NCAM2: variants seen among roughly 807,000 people sequenced by gnomAD.
NCAM2 encodes the protein N-CAM-2.
NCAM2 carries 30 observed loss-of-function variants against 98.1 expected under a neutral mutation model. That is an observed-to-expected ratio of 0.31 (90% CI 0.23 to 0.41). The LOEUF (loss-of-function observed/expected upper bound fraction) is 0.41. NCAM2 is among the 10% of genes least tolerant of loss of function. The pLI, the probability that NCAM2 is intolerant of heterozygous loss-of-function variation, is 1.00. For missense variants in NCAM2, 867 were observed against 1,005.8 expected (o/e 0.86, Z 1.87); for synonymous variants, 368 against 342.4 (o/e 1.07, Z -0.83).
intron 1 of NCAM2, among the ~76,000 whole-genome samples, chr21:21,208,601 T>C (rs188682481): frequency 6.6e-6 from 1 of 152,262 alleles, no homozygotes; most frequent in East Asian, 1.9e-4. Context: ...GTGGGTTTAT[T>C]TGATGATATC....
chr21:21,227,882 TAA>T (rs1193464675), intron 1 of NCAM2, among the ~76,000 whole-genome samples: 2 of 151,950 alleles, frequency 1.3e-5, no homozygotes, highest in East Asian at 3.9e-4. Context: ...TAGAGAAATA[TAA>T]GTGATCTTTT....
chr21:21,439,543 A>G (rs1428003334), intron 12 of NCAM2, among the ~76,000 whole-genome samples: 1 of 152,142 alleles, frequency 6.6e-6, no homozygotes, highest in African/African-American at 2.4e-5. Context: ...CTTGTTTTTT[A>G]TATACCTTTT....
intron 15 of NCAM2, among the ~76,000 whole-genome samples, chr21:21,482,557 T>C (rs1466366351): frequency 6.6e-6 from 1 of 151,866 alleles, no homozygotes; most frequent in Admixed American, 6.6e-5. Flanking sequence ...TTATGTATAT[T>C]AGATATATTT....
intron 9 of NCAM2, among the ~76,000 whole-genome samples, chr21:21,379,423 C>T (rs2076103230): frequency 6.6e-6 from 1 of 152,014 alleles, no homozygotes; most frequent in South Asian, 2.1e-4. Context: ...CTAAGCAGTG[C>T]TTTAACGGAA....
chr21:21,232,851 C>A (rs2070683818), intron 1 of NCAM2, among the ~76,000 whole-genome samples: 1 of 151,526 alleles, frequency 6.6e-6, no homozygotes, highest in South Asian at 2.1e-4. Context: ...TAAAAAAATT[C>A]CAGTCTTTTG....
chr21:21,419,001 A>C (rs928126424), intron 11 of NCAM2, among the ~76,000 whole-genome samples: 1 of 152,094 alleles, frequency 6.6e-6, no homozygotes, highest in Admixed American at 6.6e-5. Context: ...AATATGTACA[A>C]CAATTTTGCA....
chr21:21,536,510 G>A (rs1266393516), intron 17 of NCAM2, among the ~76,000 whole-genome samples: 1 of 151,448 alleles, frequency 6.6e-6, no homozygotes, highest in African/African-American at 2.4e-5. Flanking sequence ...TCCTGTCTCA[G>A]CCTCCCGAAT....
intron 8 of NCAM2, among the ~76,000 whole-genome samples, chr21:21,340,368 T>G (rs1568953465): frequency 6.6e-6 from 1 of 151,964 alleles, no homozygotes; most frequent in Non-Finnish European, 1.5e-5. Flanking sequence ...CATTAATAAA[T>G]GTCATCAAGT....
chr21:21,440,488 C>T lies in NCAM2; in HGVS notation c.1654+8207C>T, dbSNP rs544392855. On this transcript the variant is annotated intron_variant, in intron 12 of 17. Coordinates refer to ENST00000400546, the MANE Select transcript of NCAM2 (RefSeq NM_004540.5). Reference sequence around the variant, plus strand: ...CTTGAGCTCAGGAGTTCAGGACCAACCTGGGCAACATGGCGAAACCTCATA... The same window carrying T: ...CTTGAGCTCAGGAGTTCAGGACCAATCTGGGCAACATGGCGAAACCTCATA... Among the ~76,000 whole-genome samples, 3 of 152,140 alleles carry T rather than the reference C, an allele frequency of 2.0e-5. No homozygotes were observed. The South Asian group carries it at 6.2e-4, about 32-fold the overall frequency.
intron 15 of NCAM2, among the ~76,000 whole-genome samples, chr21:21,479,608 A>AAAAAAAAAAAAAAATT (rs1491473437): frequency 7.8e-6 from 1 of 127,914 alleles, no homozygotes; most frequent in African/African-American, 2.8e-5. Context: ...AAAAAAAAAA[A>AAAAAAAAAAAAAAATT]TTGTTGATGA....
At chr21:21,052,075 C>G (rs2065119907) in intron 1 of NCAM2, among the ~76,000 whole-genome samples, 1 of 151,322 alleles carries the variant, frequency 6.6e-6, no homozygotes, top group South Asian at 2.1e-4. Flanking sequence ...ATCACCCAGG[C>G]AGTGTGCACA....
At chr21:21,090,905 T>A (rs1477179848) in intron 1 of NCAM2, among the ~76,000 whole-genome samples, 1 of 152,214 alleles carries the variant, frequency 6.6e-6, no homozygotes, top group Non-Finnish European at 1.5e-5. Context: ...ATGAAAACCA[T>A]AAATCAATAG....
intron 1 of NCAM2, among the ~76,000 whole-genome samples, chr21:21,105,913 A>G (rs947073934): frequency 1.3e-5 from 2 of 152,096 alleles, no homozygotes; most frequent in African/African-American, 4.8e-5. Flanking sequence ...GGCTCATCAT[A>G]TCGTATATAA....
intron 12 of NCAM2, among the ~76,000 whole-genome samples, chr21:21,462,620 G>A (rs1049577760): frequency 2.6e-5 from 4 of 151,820 alleles, no homozygotes; most frequent in Admixed American, 6.6e-5. Flanking sequence ...AATGTAAAAA[G>A]ATTTATATTT....
At chr21:21,237,121 T>C in intron 1 of NCAM2, among the ~76,000 whole-genome samples, 1 of 152,164 alleles carries the variant, frequency 6.6e-6, no homozygotes, top group East Asian at 1.9e-4. Flanking sequence ...AGGCACATGG[T>C]TGGCATTTTC....
chr21:21,189,985 G>C (rs1347460650), intron 1 of NCAM2, among the ~76,000 whole-genome samples: 1 of 152,178 alleles, frequency 6.6e-6, no homozygotes, highest in Non-Finnish European at 1.5e-5. Flanking sequence ...ATTTGTATTT[G>C]TAATGGAACA....
chr21:21,031,199 GC>G (rs2064674328), intron 1 of NCAM2, among the ~76,000 whole-genome samples: 1 of 152,106 alleles, frequency 6.6e-6, no homozygotes, highest in East Asian at 1.9e-4. Flanking sequence ...AAGCTAACAT[GC>G]ATTGTTTTAC....
rs547337663 is a variant in NCAM2, at chr21:21,081,561, G to A, written c.55+82943G>A. Among the ~76,000 whole-genome samples the A allele has an allele frequency of 2.0e-5, 3 of 152,250 alleles. No homozygotes were observed. In the South Asian group the frequency reaches 6.2e-4, roughly 32 times the overall value. On this transcript the variant is annotated intron_variant, in intron 1 of 17. Transcript: ENST00000400546. Reference sequence around the variant, plus strand: ...CACGCCTGTAATCCCAGCACTTTGGGAGGCTGAGACAAACAGATCACATTA... The same window carrying A: ...CACGCCTGTAATCCCAGCACTTTGGAAGGCTGAGACAAACAGATCACATTA...
At chr21:21,080,324 A>C (rs6650822) in intron 1 of NCAM2, among the ~76,000 whole-genome samples, 5,882 of 152,110 alleles carry the variant, frequency 0.039, 366 homozygotes, top group African/African-American at 0.13. Context: ...TACCCCAATT[A>C]AAGACTTCCT....
Sources: gnomAD v4.1 joint callset for allele counts (sites outside exome capture counted in the v4.1 genomes callset) on GRCh38, gnomAD v4.1.1 for gene constraint, MANE v1.5 for transcripts, NCBI Gene and HGNC (gene_info 2026-07-23, HGNC 2026-07-21) for gene names.